The following CFAP299 variants were observed in gnomAD, a reference collection of about 807,000 sequenced individuals.
CFAP299 encodes cilia- and flagella-associated protein 299.
CFAP299 carries 21 observed loss-of-function variants against 27.0 expected under a neutral mutation model. The ratio of observed to expected loss-of-function variants is 0.78; its 90% CI spans 0.55 to 1.12. CFAP299 has a LOEUF of 1.12. CFAP299 is among the 50% of genes most tolerant of loss of function. The pLI, the probability that CFAP299 is intolerant of heterozygous loss-of-function variation, is 0.00. For missense variants in CFAP299, 310 were observed against 276.6 expected (o/e 1.12, Z -0.86); for synonymous variants, 104 against 98.1 (o/e 1.06, Z -0.36).
chr4:80,625,901 A>T (rs1253401819), intron 3 of CFAP299, among the ~76,000 whole-genome samples: 1 of 152,028 alleles, frequency 6.6e-6, no homozygotes, highest in South Asian at 2.1e-4. Flanking sequence ...ATATAAATAA[A>T]TTTGAAGGGA....
chr4:80,387,694 C>A (rs1725092905), intron 2 of CFAP299: 7 of 1,577,702 alleles, frequency 4.4e-6, no homozygotes, highest in Non-Finnish European at 5.2e-6. Flanking sequence ...AAAGGCATGG[C>A]CACATGCAAT....
At chr4:80,730,107 C>A (rs1418794563) in intron 3 of CFAP299, among the ~76,000 whole-genome samples, 2 of 152,052 alleles carry the variant, frequency 1.3e-5, no homozygotes, top group Non-Finnish European at 2.9e-5. Flanking sequence ...TCAGTCACAT[C>A]ATGACCTCCT....
intron 2 of CFAP299, among the ~76,000 whole-genome samples, chr4:80,396,106 C>T (rs191726414): frequency 4.2e-4 from 64 of 152,226 alleles, no homozygotes; most frequent in Non-Finnish European, 4.1e-4. Context: ...TCAGCATTCT[C>T]AATTTGCTTA....
intron 3 of CFAP299, among the ~76,000 whole-genome samples, chr4:80,847,710 A>T (rs775596526): frequency 1.3e-5 from 2 of 152,208 alleles, no homozygotes; most frequent in Non-Finnish European, 2.9e-5. Flanking sequence ...TTAAAATTAA[A>T]TGAGAAAATT....
intron 3 of CFAP299, among the ~76,000 whole-genome samples, chr4:80,734,198 T>C (rs1054477331): frequency 6.6e-6 from 1 of 152,190 alleles, no homozygotes; most frequent in Non-Finnish European, 1.5e-5. Context: ...AGTTTTGATT[T>C]GCATTTCTCT....
At chr4:80,623,943 C>T (rs551965418) in intron 3 of CFAP299, among the ~76,000 whole-genome samples, 1 of 152,256 alleles carries the variant, frequency 6.6e-6, no homozygotes, top group African/African-American at 2.4e-5. Context: ...AGGCTTCAGG[C>T]AGCAACCCAG....
Position 80,412,671 on chromosome 4 carries a change from G to T in CFAP299, c.242+49787G>T, listed in dbSNP as rs139261360. ...ATGAGGACATTTTTCCAGCATCTTT[G>T]CTCACTGAGGATGCTGAAGAAATGC... is the stretch of plus-strand genomic sequence containing the variant. On this transcript the variant is annotated intron_variant, in intron 2 of 5. Coordinates refer to ENST00000358105, the MANE Select transcript of CFAP299 (RefSeq NM_152770.3). 6.2e-3 allele frequency among the ~76,000 whole-genome samples: 939 copies of T among 152,262 alleles called. 2 individuals carry two copies. The highest frequency in any genetic ancestry group is 0.024 in the Middle Eastern group (7 of 292).
rs886358733 is a variant in CFAP299, at chr4:80,480,963, C to A, written c.243-102130C>A. Reference sequence around the variant, plus strand: ...ATATCCAAAAAGGTGTTCATTATTCCTGAAAAACTATCAAAGCTATATATT... The same window carrying A: ...ATATCCAAAAAGGTGTTCATTATTCATGAAAAACTATCAAAGCTATATATT... On this transcript the variant is annotated intron_variant, in intron 2 of 5. Coordinates refer to ENST00000358105, the MANE Select transcript of CFAP299 (RefSeq NM_152770.3). 2.0e-5 allele frequency among the ~76,000 whole-genome samples: 3 copies of A among 152,062 alleles called. No individual in the cohort carries two copies. In the East Asian group the frequency reaches 5.8e-4, roughly 29 times the overall value.
At chr4:80,694,843 A>G (rs76061810) in intron 3 of CFAP299, among the ~76,000 whole-genome samples, 1,689 of 152,306 alleles carry the variant, frequency 0.011, 33 homozygotes, top group African/African-American at 0.037. Flanking sequence ...ACTGTGATTG[A>G]ATTGTGCAGA....
At chr4:80,373,203 A>G (rs1335578482) in intron 2 of CFAP299, among the ~76,000 whole-genome samples, 2 of 151,984 alleles carry the variant, frequency 1.3e-5, no homozygotes, top group African/African-American at 4.8e-5. Flanking sequence ...CCAGGACTCC[A>G]TTTCTCATCT....
At chr4:80,682,344 C>G (rs1449413008) in intron 3 of CFAP299, among the ~76,000 whole-genome samples, 1 of 152,040 alleles carries the variant, frequency 6.6e-6, no homozygotes, top group East Asian at 1.9e-4. Context: ...ACTTTTTACT[C>G]TTTTGAACCT....
At chr4:80,502,026 A>G (rs372921069) in intron 2 of CFAP299, among the ~76,000 whole-genome samples, 3 of 152,160 alleles carry the variant, frequency 2.0e-5, no homozygotes, top group East Asian at 1.9e-4. Flanking sequence ...CTTTTATAAA[A>G]TGTTGTAATG....
chr4:80,875,912 TC>T (rs1188256840), intron 4 of CFAP299, among the ~76,000 whole-genome samples: 1 of 151,910 alleles, frequency 6.6e-6, no homozygotes, highest in Non-Finnish European at 1.5e-5. Context: ...GTTAGCCTAG[TC>T]ATGATATTCT....
chr4:80,350,741 C>A (rs1036871985), intron 1 of CFAP299, among the ~76,000 whole-genome samples: 1 of 151,964 alleles, frequency 6.6e-6, no homozygotes, highest in Admixed American at 6.6e-5. Context: ...AATGAGAACG[C>A]ACGGACACAC....
At chr4:80,339,090 G>T (rs1313823100) in intron 1 of CFAP299, among the ~76,000 whole-genome samples, 1 of 152,112 alleles carries the variant, frequency 6.6e-6, no homozygotes, top group African/African-American at 2.4e-5. Flanking sequence ...TACTGTCTGT[G>T]GTTTAGAAGC....
chr4:80,687,870 A>AC (rs999357350), intron 3 of CFAP299, among the ~76,000 whole-genome samples: 2 of 152,056 alleles, frequency 1.3e-5, no homozygotes, highest in Non-Finnish European at 2.9e-5. Flanking sequence ...GCATTGCCTC[A>AC]CTGGGGAAGC....
intron 3 of CFAP299, among the ~76,000 whole-genome samples, chr4:80,847,936 A>G (rs889194661): frequency 6.6e-6 from 1 of 152,162 alleles, no homozygotes; most frequent in Non-Finnish European, 1.5e-5. Context: ...AAGACTGGGC[A>G]TGGTGGCTCA....
intron 2 of CFAP299, among the ~76,000 whole-genome samples, chr4:80,382,184 A>G (rs1466086142): frequency 6.6e-6 from 1 of 152,210 alleles, no homozygotes; most frequent in Non-Finnish European, 1.5e-5. Context: ...GCTTAAATGT[A>G]AAACCAAAAA....
intron 4 of CFAP299, among the ~76,000 whole-genome samples, chr4:80,906,593 A>G (rs1039773828): frequency 6.6e-6 from 1 of 152,152 alleles, no homozygotes; most frequent in Admixed American, 6.5e-5. Flanking sequence ...TATGTCCTCT[A>G]AAATCTAGGT....
Sources: gnomAD v4.1 joint callset for allele counts (sites outside exome capture counted in the v4.1 genomes callset) on GRCh38, gnomAD v4.1.1 for gene constraint, MANE v1.5 for transcripts, NCBI Gene and HGNC (gene_info 2026-07-23, HGNC 2026-07-21) for gene names.